The following ASH1L variants were observed in gnomAD, a reference collection of about 807,000 sequenced individuals.
ASH1L encodes the protein histone-lysine N-methyltransferase ASH1L.
A neutral mutation model predicts 269.0 loss-of-function variants in ASH1L; 23 were observed. That is an observed-to-expected ratio of 0.09 (90% CI 0.06 to 0.12). The LOEUF is 0.12. Ranked by LOEUF, ASH1L falls within the 10% of genes least tolerant of loss-of-function variation. ASH1L has a pLI of 1.00. For synonymous variants in ASH1L, 1,187 were observed against 1,253.5 expected (o/e 0.95, Z 1.12); for missense variants, 2,912 against 3,567.8 (o/e 0.82, Z 4.68).
At chr1:155,467,023 A>G (rs72993470) in intron 3 of ASH1L, among the ~76,000 whole-genome samples, 239 of 152,292 alleles carry the variant, frequency 1.6e-3, no homozygotes, top group African/African-American at 5.6e-3. Context: ...CACTGAATGC[A>G]CCAAATAATG....
In ASH1L at chr1:155,438,839, A is replaced by C. The variant is rs748283379; in HGVS notation, c.5316T>G (p.Ser1772Arg). Residue 1772 changes from serine (S) to arginine (R), a missense_variant, in exon 5 of 28, where the codon AGT becomes AGG. Coordinates refer to ENST00000392403, the MANE Select transcript of ASH1L (RefSeq NM_018489.3). ...PDSLLVPAVT[S>R]DSCNNSISLL... Reference sequence around the variant, plus strand: ...GTGAGATGCTATTATTGCAAGAGTCACTTGTGACTGCAGGCACTAAAAGGC... The same window carrying C: ...GTGAGATGCTATTATTGCAAGAGTCCCTTGTGACTGCAGGCACTAAAAGGC... 1.9e-6 allele frequency: 3 copies of C among 1,614,204 alleles called. No individual in the cohort carries two copies. The South Asian group carries it at 3.3e-5, about 18-fold the overall frequency.
chr1:155,429,174 A>C (rs1367217916), intron 5 of ASH1L, among the ~76,000 whole-genome samples: 3 of 152,204 alleles, frequency 2.0e-5, no homozygotes, highest in African/African-American at 7.2e-5. Flanking sequence ...ACACATTAAA[A>C]CTACAGCAAC....
intron 27 of ASH1L, 66 bp downstream of exon 27, chr1:155,338,023 T>A: frequency 1.3e-6 from 2 of 1,494,566 alleles, no homozygotes; most frequent in Non-Finnish European, 1.8e-6. Context: ...GTAATTACAA[T>A]TTTTTTCCAT....
In ASH1L at chr1:155,562,560, C is replaced by G. The variant is rs1325736563; in HGVS notation, c.-507G>C. 1 of 1,529,028 alleles carries G rather than the reference C, an allele frequency of 6.5e-7. No homozygotes were observed. The highest frequency in any genetic ancestry group is 1.4e-5 in the African/African-American group (1 of 72,922). The allele number at this position is 1,529,028 out of a possible 1,614,324, so 94.7% of individuals were successfully genotyped here. On this transcript the variant is annotated 5_prime_UTR_variant, in exon 1 of 28. Transcript: ENST00000392403. ...CCTCCTTGCGTTCTTTCCCACCGTC[C>G]CCCGCTCCGCCCGACTCCGTCCGCG...
chr1:155,358,089 G>T (rs1654576167), intron 13 of ASH1L, among the ~76,000 whole-genome samples: 1 of 151,870 alleles, frequency 6.6e-6, no homozygotes, highest in Admixed American at 6.6e-5. Flanking sequence ...TTTTTTTTTA[G>T]CTTGCAGTCT....
chr1:155,529,233 GTTAT>G (rs1263427327), intron 1 of ASH1L, among the ~76,000 whole-genome samples: 1 of 151,930 alleles, frequency 6.6e-6, no homozygotes, highest in East Asian at 1.9e-4. Flanking sequence ...TGAGTCAAAT[GTTAT>G]TTCTGTTTTT....
intron 1 of ASH1L, among the ~76,000 whole-genome samples, chr1:155,538,313 G>C (rs1353798489): frequency 6.6e-6 from 1 of 150,958 alleles, no homozygotes; most frequent in Non-Finnish European, 1.5e-5. Context: ...AAAGTGCTGG[G>C]ATTACAGGCA....
At chr1:155,367,155 G>T (rs565602926) in intron 12 of ASH1L, among the ~76,000 whole-genome samples, 13 of 151,710 alleles carry the variant, frequency 8.6e-5, no homozygotes, top group African/African-American at 2.7e-4. Flanking sequence ...CACCATGCCC[G>T]GCTAATTTTT....
At chr1:155,368,019 T>A (rs1198673147) in intron 12 of ASH1L, among the ~76,000 whole-genome samples, 1 of 152,190 alleles carries the variant, frequency 6.6e-6, no homozygotes, top group Non-Finnish European at 1.5e-5. Flanking sequence ...TTCATTTTTT[T>A]AAATAGACAC....
chr1:155,376,698 T>C (rs1444245982), intron 10 of ASH1L, among the ~76,000 whole-genome samples: 3 of 147,920 alleles, frequency 2.0e-5, no homozygotes, highest in South Asian at 2.2e-4. Context: ...ATTAAAAAAA[T>C]ACAAAAATTA....
At chr1:155,518,492 T>C (rs574404218) in intron 2 of ASH1L, among the ~76,000 whole-genome samples, 10 of 152,156 alleles carry the variant, frequency 6.6e-5, no homozygotes, top group East Asian at 3.9e-4. Context: ...TAAAATCCTA[T>C]ATACAGATTA....
chr1:155,407,924 G>A (rs1659430589), intron 6 of ASH1L, among the ~76,000 whole-genome samples: 3 of 152,062 alleles, frequency 2.0e-5, no homozygotes, highest in Admixed American at 2.0e-4. Flanking sequence ...TTGCCTAATG[G>A]TGGGGAAATT....
At chr1:155,459,134 TTAA>T (rs1664095866) in intron 4 of ASH1L, among the ~76,000 whole-genome samples, 1 of 152,192 alleles carries the variant, frequency 6.6e-6, no homozygotes, top group Non-Finnish European at 1.5e-5. Flanking sequence ...TCATGAACTC[TTAA>T]TTATTTTGCA....
rs751923194 is a variant in ASH1L, at chr1:155,477,852, T to C, written c.4984+34A>G. ...ACCTGTGGAAAATAACCTATTTCTT[T>C]AACAAATAACAGGTAACAAAATAAC... On this transcript the variant is annotated intron_variant, in intron 3 of 27. Transcript: ENST00000392403. The C allele has an allele frequency of 3.9e-6, 6 of 1,526,232 alleles. No individual in the cohort carries two copies. In the East Asian group the frequency reaches 1.1e-4, roughly 29 times the overall value. 94.5% of individuals were successfully genotyped at this position (1,526,232 alleles called of 1,614,324 possible).
At position 155,478,238 on chromosome 1, in the gene ASH1L, A is replaced by C. The variant is rs149211260; in HGVS notation, c.4632T>G (p.Ser1544=). ...HRCHMSCPHL[S]PSKSLINREE... The stretch of plus-strand genomic sequence containing the variant: ...CTCTGTTTATTAAGCTTTTTGAAGG[A>C]GAGAGATGAGGGCAGGACATGTGAC... The change falls in exon 3 of 28, where the codon TCT becomes TCG. Residue 1544 remains serine (S), a synonymous_variant. Transcript: ENST00000392403. The surrounding 1 kb of genome is among the most constrained non-coding windows in gnomAD (Gnocchi z 4.6). 96 of 1,613,974 alleles carry C rather than the reference A, an allele frequency of 5.9e-5. No individual in the cohort carries two copies. The highest frequency in any genetic ancestry group is 7.9e-5 in the Non-Finnish European group (93 of 1,180,010).
chr1:155,544,595 CTT>C (rs369139657), intron 1 of ASH1L, among the ~76,000 whole-genome samples: 31 of 152,020 alleles, frequency 2.0e-4, no homozygotes, highest in African/African-American at 7.5e-4. Flanking sequence ...CCGAGAAACC[CTT>C]CTTAGGCAAA....
intron 2 of ASH1L, among the ~76,000 whole-genome samples, chr1:155,516,545 T>A (rs1558184187): frequency 6.6e-6 from 1 of 152,104 alleles, no homozygotes. Flanking sequence ...TGTAATCCCA[T>A]CACTTTGGGA....
At chr1:155,458,018 T>G (rs1663994663) in intron 4 of ASH1L, among the ~76,000 whole-genome samples, 1 of 152,156 alleles carries the variant, frequency 6.6e-6, no homozygotes, top group African/African-American at 2.4e-5. Flanking sequence ...TAAAAATAAT[T>G]CTTAGCTTGA....
intron 7 of ASH1L, among the ~76,000 whole-genome samples, chr1:155,381,794 G>C (rs1199271284): frequency 6.6e-6 from 1 of 151,800 alleles, no homozygotes; most frequent in Non-Finnish European, 1.5e-5. Flanking sequence ...AGAATCGCTT[G>C]AACCTGGGAG....
Sources: allele counts gnomAD v4.1 joint callset (sites outside exome capture counted in the v4.1 genomes callset), GRCh38; gene constraint gnomAD v4.1.1; non-coding constraint Gnocchi (gnomAD v3.1); transcripts MANE v1.5; gene names NCBI Gene and HGNC (gene_info 2026-07-23, HGNC 2026-07-21).